Variants in NTPCR observed in about 807,000 individuals in gnomAD.
The protein encoded by NTPCR is nucleoside-triphosphatase, cancer-related.
In NTPCR, 15 loss-of-function variants were observed where a neutral mutation model predicts 19.5. The ratio of observed to expected loss-of-function variants is 0.77; its 90% CI spans 0.51 to 1.18. The LOEUF is 1.18. Among genes scored for constraint, NTPCR ranks in the 50% most tolerant of loss-of-function variants. The pLI, the probability that NTPCR is intolerant of heterozygous loss-of-function variation, is 0.00. For missense variants in NTPCR, 206 were observed against 240.4 expected (o/e 0.86, Z 0.95); for synonymous variants, 90 against 95.8 (o/e 0.94, Z 0.36).
At chr1:232,961,742 C>A (rs1289667541) in intron 3 of NTPCR, among the ~76,000 whole-genome samples, 2 of 151,924 alleles carry the variant, frequency 1.3e-5, no homozygotes, top group Non-Finnish European at 1.5e-5. Flanking sequence ...TTTATGTTTT[C>A]AATTCATTTG....
At chr1:232,963,688 T>C (rs963518804) in intron 3 of NTPCR, 3 of 152,212 alleles carry the variant, frequency 2.0e-5, no homozygotes, top group African/African-American at 7.2e-5. Flanking sequence ...TGTTTTCTTT[T>C]TTTGACAATT....
Position 232,983,254 on chromosome 1 carries a change from A to G in NTPCR, c.*5023A>G, listed in dbSNP as rs1669330226. The G allele has an allele frequency of 1.3e-5, 2 of 152,188 alleles. No individual in the cohort carries two copies. Among genetic ancestry groups the G allele is most frequent in the African/African-American group, 4.8e-5 (2 of 41,438 alleles). 9.4% of individuals were successfully genotyped at this position (152,188 alleles called of 1,614,324 possible). On this transcript the variant is annotated 3_prime_UTR_variant, in exon 5 of 5. Transcript: ENST00000366628. ...GTCTTTTGAAAAGGGATGGTTCACC[A>G]GGCCAGTGATACTCTATGGACTGCA...
chr1:232,954,596 G>T (rs1271772891), intron 1 of NTPCR, among the ~76,000 whole-genome samples: 2 of 152,174 alleles, frequency 1.3e-5, no homozygotes, highest in Admixed American at 1.3e-4. Flanking sequence ...CTTATGAGGG[G>T]TATAGCCTTG....
intron 3 of NTPCR, among the ~76,000 whole-genome samples, chr1:232,957,599 A>C (rs1216079500): frequency 2.0e-5 from 3 of 152,124 alleles, no homozygotes; most frequent in Non-Finnish European, 2.9e-5. Context: ...AAGTTTGTCA[A>C]TTTAGATGAT....
intron 4 of NTPCR, chr1:232,976,643 GGAGCCACAGCC>G: frequency 7.2e-7 from 1 of 1,395,914 alleles, no homozygotes; most frequent in African/African-American, 1.5e-5. Context: ...CATTTCAAGT[GGAGCCACAGCC>G]GCCCAGGATT....
intron 1 of NTPCR, 95 bp from the exon 2 acceptor site, chr1:232,955,462 T>G (rs543447589): frequency 1.0e-6 from 1 of 987,036 alleles, no homozygotes; most frequent in African/African-American, 1.7e-5. Flanking sequence ...CCACCATAAT[T>G]GCTGCCTCAG....
chr1:232,971,527 TA>T (rs1337973156), intron 4 of NTPCR, among the ~76,000 whole-genome samples: 1 of 152,172 alleles, frequency 6.6e-6, no homozygotes, highest in Non-Finnish European at 1.5e-5. Flanking sequence ...TGCGCTTCTT[TA>T]TTGATTTATT....
intron 1 of NTPCR, 36 bp downstream of exon 1, chr1:232,950,780 A>AG: frequency 6.6e-7 from 1 of 1,512,018 alleles, no homozygotes; most frequent in Non-Finnish European, 9.0e-7. Flanking sequence ...CAAGAGGTCG[A>AG]GGGGGTGGGG....
At chr1:232,972,556 G>T (rs1669013177) in intron 4 of NTPCR, among the ~76,000 whole-genome samples, 1 of 152,130 alleles carries the variant, frequency 6.6e-6, no homozygotes, top group Non-Finnish European at 1.5e-5. Context: ...CTCCCAAAAA[G>T]CTGGGACTAC....
intron 1 of NTPCR, among the ~76,000 whole-genome samples, chr1:232,954,874 G>C (rs991629115): frequency 6.6e-6 from 1 of 152,104 alleles, no homozygotes; most frequent in African/African-American, 2.4e-5. Flanking sequence ...AGGCTGAGGG[G>C]GCAGAGGTAC....
chr1:232,974,303 C>G (rs539423625), intron 4 of NTPCR, among the ~76,000 whole-genome samples: 1 of 152,202 alleles, frequency 6.6e-6, no homozygotes, highest in Admixed American at 6.5e-5. Flanking sequence ...TGAAGGAAAA[C>G]TAAGAGAATT....
rs1669307045 is a variant in NTPCR, at chr1:232,982,406, G to T, written c.*4175G>T. The T allele has an allele frequency of 1.3e-5, 2 of 152,204 alleles. No homozygotes were observed. The highest frequency in any genetic ancestry group is 2.9e-5 in the Non-Finnish European group (2 of 68,042). 9.4% of individuals were successfully genotyped at this position (152,204 alleles called of 1,614,324 possible). A position where few individuals can be genotyped will look rare whatever the true frequency, so the allele number is the denominator to read the frequency against. On this transcript the variant is annotated 3_prime_UTR_variant, in exon 5 of 5. Transcript: ENST00000366628. ...CTCGAGATGCCCGCTCTCATAGACG[G>T]TGCAGAGCGTCACTGCATTCCTATC... is the stretch of plus-strand genomic sequence containing the variant.
chr1:232,975,020 AT>A (rs1669088193), intron 4 of NTPCR, among the ~76,000 whole-genome samples: 1 of 152,232 alleles, frequency 6.6e-6, no homozygotes, highest in African/African-American at 2.4e-5. Flanking sequence ...ATCCCATTGT[AT>A]CCCAATGAGT....
intron 3 of NTPCR, among the ~76,000 whole-genome samples, chr1:232,957,961 G>GTGGGGAGGAC (rs1668559199): frequency 6.6e-6 from 1 of 152,122 alleles, no homozygotes; most frequent in African/African-American, 2.4e-5. Context: ...ATGTGTCAGG[G>GTGGGGAGGAC]TGGGGAGGTC....
chr1:232,959,916 A>G (rs921211559), intron 3 of NTPCR, among the ~76,000 whole-genome samples: 2 of 152,064 alleles, frequency 1.3e-5, no homozygotes, highest in African/African-American at 2.4e-5. Flanking sequence ...TGGGGAAGTA[A>G]GGATGTGGCT....
Position 232,983,616 on chromosome 1 carries a change from C to T in NTPCR, c.*5385C>T, listed in dbSNP as rs760104310. 2.0e-5 allele frequency: 3 copies of T among 152,092 alleles called. No individual in the cohort carries two copies. The highest frequency in any genetic ancestry group is 6.5e-5 in the Admixed American group (1 of 15,274). 9.4% of individuals were successfully genotyped at this position (152,092 alleles called of 1,614,324 possible). The stretch of plus-strand genomic sequence containing the variant: ...GACTCCGCGGTGGATTTCCATGCAC[C>T]GAATGGACTCAGTTTCTAAACTCAC... On this transcript the variant is annotated 3_prime_UTR_variant, in exon 5 of 5. Coordinates refer to ENST00000366628, the MANE Select transcript of NTPCR (RefSeq NM_032324.3).
intron 4 of NTPCR, 34 bp from the exon 5 acceptor site, chr1:232,978,129 G>A (rs1294151932): frequency 6.4e-7 from 1 of 1,562,746 alleles, no homozygotes; most frequent in Admixed American, 1.7e-5. Flanking sequence ...GAGGAAAGGA[G>A]CTCTGAAGCC....
At chr1:232,964,737 C>G (rs755599741) in intron 3 of NTPCR, 28 of 152,158 alleles carry the variant, frequency 1.8e-4, no homozygotes, top group Non-Finnish European at 1.8e-4. Flanking sequence ...GGTTACCTCC[C>G]CATTAGAAAA....
At chr1:232,964,774 A>G (rs1283515088) in intron 3 of NTPCR, 1 of 152,224 alleles carries the variant, frequency 6.6e-6, no homozygotes, top group Non-Finnish European at 1.5e-5. Flanking sequence ...TATAGGAAAA[A>G]CAATCAGTTC....
Sources: gnomAD v4.1 joint callset for allele counts (sites outside exome capture counted in the v4.1 genomes callset) on GRCh38, gnomAD v4.1.1 for gene constraint, MANE v1.5 for transcripts, NCBI Gene and HGNC (gene_info 2026-07-23, HGNC 2026-07-21) for gene names.